F13A1: variants seen among roughly 807,000 people sequenced by gnomAD.
F13A1 encodes the protein coagulation factor XIII A chain.
A neutral mutation model predicts 80.1 loss-of-function variants in F13A1; 47 were observed. The ratio of observed to expected loss-of-function variants is 0.59; its 90% CI spans 0.46 to 0.75. The LOEUF (loss-of-function observed/expected upper bound fraction) is 0.75. Among genes scored for constraint, F13A1 ranks in the 30% least tolerant of loss-of-function variants. F13A1 has a pLI of 0.00. For synonymous variants in F13A1, 349 were observed against 344.9 expected (o/e 1.01, Z -0.13); for missense variants, 817 against 930.4 (o/e 0.88, Z 1.59).
At chr6:6,292,098 A>C (rs1758231647) in intron 3 of F13A1, among the ~76,000 whole-genome samples, 1 of 152,172 alleles carries the variant, frequency 6.6e-6, no homozygotes, top group South Asian at 2.1e-4. Flanking sequence ...TAATCCTTTC[A>C]ACCATTATCT....
rs1760385443 is a variant in F13A1 at position 6,151,917 on chromosome 6, C to T, written c.1941G>A (p.Met647Ile). Reference protein sequence around the residue: ...VRGTQVVGSDMTVTVEFTNPL... With the variant: ...VRGTQVVGSDITVTVEFTNPL... ...GATTGGTAAACTCAACTGTCACAGT[C>T]ATGTCAGAACCAACTACCTGAGTGC... The change falls in exon 14 of 15, where the codon ATG becomes ATA. Residue 647 changes from methionine to isoleucine, a missense_variant. Transcript: ENST00000264870. 2 of 1,613,950 alleles carry T rather than the reference C, an allele frequency of 1.2e-6. No individual in the cohort carries two copies. The highest frequency in any genetic ancestry group is 2.7e-5 in the African/African-American group (2 of 74,928).
rs12526901 is a variant in F13A1, at chr6:6,226,689, T to C, written c.799-1829A>G. On this transcript the variant is annotated intron_variant, in intron 6 of 14. Transcript: ENST00000264870. Reference sequence around the variant, plus strand: ...AAAAAAATCTCCGTCTTTCTGAGTTTTACCAAGTGTTAGCAAAGACTGGAT... The same window carrying C: ...AAAAAAATCTCCGTCTTTCTGAGTTCTACCAAGTGTTAGCAAAGACTGGAT... 3.5e-3 allele frequency among the ~76,000 whole-genome samples: 531 copies of C among 152,356 alleles called. 15 individuals carry two copies. The highest frequency in any genetic ancestry group is 0.024 in the Admixed American group (365 of 15,298).
chr6:6,195,970 C>T, intron 9 of F13A1, 85 bp from the exon 10 acceptor site: 2 of 1,218,092 alleles, frequency 1.6e-6, no homozygotes, highest in Non-Finnish European at 2.4e-6. Context: ...CTGAGGGTGA[C>T]TCTGTAAAGA....
At chr6:6,146,710 C>T in intron 14 of F13A1, among the ~76,000 whole-genome samples, 1 of 152,114 alleles carries the variant, frequency 6.6e-6, no homozygotes, top group Non-Finnish European at 1.5e-5. Flanking sequence ...TTCAAGATCA[C>T]ATAATTGGTA....
intron 4 of F13A1, among the ~76,000 whole-genome samples, chr6:6,256,999 T>C (rs1156877117): frequency 1.3e-5 from 2 of 152,136 alleles, no homozygotes; most frequent in African/African-American, 4.8e-5. Context: ...GAAGGAATAA[T>C]GGTTTGGCCC....
At chr6:6,156,768 T>C (rs935725302) in intron 13 of F13A1, among the ~76,000 whole-genome samples, 3 of 152,222 alleles carry the variant, frequency 2.0e-5, no homozygotes, top group Non-Finnish European at 4.4e-5. Flanking sequence ...CTAGGGCTAT[T>C]TATAATTAAA....
At chr6:6,206,610 G>C in intron 8 of F13A1, 1 of 507,194 alleles carries the variant, frequency 2.0e-6, no homozygotes, top group Non-Finnish European at 4.1e-6. Context: ...TACCTGAGAG[G>C]AACGGGAGGA....
rs1319823734 is a variant in F13A1, at chr6:6,144,272, C to T, written c.*1347G>A. 6.6e-6 allele frequency: 1 copy of T among 152,126 alleles called. No individual in the cohort carries two copies. Among genetic ancestry groups the T allele is most frequent in the Non-Finnish European group, 1.5e-5 (1 of 68,028 alleles). The allele number at this position is 152,126 out of a possible 1,614,324, so 9.4% of individuals were successfully genotyped here. A position where few individuals can be genotyped will look rare whatever the true frequency, so the allele number is the denominator to read the frequency against. ...TGTATATATAGAGGGGACCAGCTCA[C>T]CCTCATAGGTTAGTGCTGAAGGCTC... is the stretch of plus-strand genomic sequence containing the variant. On this transcript the variant is annotated 3_prime_UTR_variant, in exon 15 of 15. Transcript: ENST00000264870.
At chr6:6,305,046 T>C in intron 3 of F13A1, 1 of 438,114 alleles carries the variant, frequency 2.3e-6, no homozygotes, top group South Asian at 2.2e-5. Context: ...ATCATGGAGA[T>C]AAAAGTTAGA....
At chr6:6,260,051 T>G (rs1757757617) in intron 4 of F13A1, among the ~76,000 whole-genome samples, 1 of 152,162 alleles carries the variant, frequency 6.6e-6, no homozygotes, top group Non-Finnish European at 1.5e-5. Context: ...TAACTGCCCG[T>G]CTCACTCCTG....
At chr6:6,316,470 T>TC (rs2113204280) in intron 2 of F13A1, among the ~76,000 whole-genome samples, 1 of 152,176 alleles carries the variant, frequency 6.6e-6, no homozygotes, top group Admixed American at 6.5e-5. Context: ...ACTGATTTTT[T>TC]CAGAGTAATT....
At chr6:6,198,665 G>A (rs935672436) in intron 8 of F13A1, among the ~76,000 whole-genome samples, 6 of 152,146 alleles carry the variant, frequency 3.9e-5, no homozygotes, top group African/African-American at 1.2e-4. Flanking sequence ...CCCATAAAGG[G>A]TAATCTTCTA....
At chr6:6,212,187 G>A (rs2113036046) in intron 8 of F13A1, among the ~76,000 whole-genome samples, 1 of 152,354 alleles carries the variant, frequency 6.6e-6, no homozygotes, top group South Asian at 2.1e-4. Flanking sequence ...ACAGCTCAAG[G>A]AGGCCTGCCT....
chr6:6,304,075 C>T (rs1758474800), intron 3 of F13A1, among the ~76,000 whole-genome samples: 1 of 152,228 alleles, frequency 6.6e-6, no homozygotes, highest in African/African-American at 2.4e-5. Context: ...TTACTAAAAC[C>T]TTTAAAGTAC....
At chr6:6,179,616 A>G (rs926527434) in intron 11 of F13A1, among the ~76,000 whole-genome samples, 18 of 152,198 alleles carry the variant, frequency 1.2e-4, no homozygotes, top group Non-Finnish European at 8.8e-5. Flanking sequence ...TTCTCAAAAC[A>G]ACATTCTACT....
intron 13 of F13A1, among the ~76,000 whole-genome samples, chr6:6,155,351 C>A (rs1409122678): frequency 2.0e-5 from 3 of 152,118 alleles, no homozygotes; most frequent in African/African-American, 7.2e-5. Flanking sequence ...ATATGTCATG[C>A]CTAATCAGTT....
intron 8 of F13A1, among the ~76,000 whole-genome samples, chr6:6,201,036 C>G (rs373713133): frequency 1.3e-5 from 2 of 152,164 alleles, no homozygotes; most frequent in African/African-American, 4.8e-5. Flanking sequence ...CCTGAATGGA[C>G]GCCGTCCTGC....
At chr6:6,160,362 A>T (rs1760551788) in intron 13 of F13A1, among the ~76,000 whole-genome samples, 1 of 149,920 alleles carries the variant, frequency 6.7e-6, no homozygotes, top group East Asian at 2.0e-4. Context: ...TTGTTTTTTG[A>T]GTCTTGCTCT....
chr6:6,192,076 G>T (rs1761211356), intron 10 of F13A1, among the ~76,000 whole-genome samples: 2 of 152,210 alleles, frequency 1.3e-5, no homozygotes, highest in African/African-American at 2.4e-5. Context: ...CCTAGCAAAA[G>T]GAGCAGTATG....
Sources: gnomAD v4.1 joint callset for allele counts (sites outside exome capture counted in the v4.1 genomes callset) on GRCh38, gnomAD v4.1.1 for gene constraint, MANE v1.5 for transcripts, NCBI Gene and HGNC (gene_info 2026-07-23, HGNC 2026-07-21) for gene names.